Variants in SPECC1L observed in about 807,000 individuals in gnomAD.
SPECC1L encodes cytospin-A.
Under a neutral mutation model 116.8 loss-of-function variants are expected in SPECC1L, and 40 were observed. That is an observed-to-expected ratio of 0.34 (90% CI 0.27 to 0.45). SPECC1L has a LOEUF of 0.45. SPECC1L is among the 20% of genes least tolerant of loss of function. The pLI, the probability that SPECC1L is intolerant of heterozygous loss-of-function variation, is 1.00. For missense variants in SPECC1L, 1,110 were observed against 1,373.6 expected, an observed-to-expected ratio of 0.81 and a Z score of 3.03; for synonymous variants, 504 against 500.6, an observed-to-expected ratio of 1.01 and a Z score of -0.09.
At chr22:24,341,825 C>T (rs1428711262) in intron 10 of SPECC1L, among the ~76,000 whole-genome samples, 1 of 152,234 alleles carries the variant, frequency 6.6e-6, no homozygotes, top group South Asian at 2.1e-4. Context: ...AATCCCAGTT[C>T]CCATGTTGTG....
At chr22:24,363,965 CAG>C (rs902741204) in intron 12 of SPECC1L, among the ~76,000 whole-genome samples, 1 of 151,886 alleles carries the variant, frequency 6.6e-6, no homozygotes, top group Non-Finnish European at 1.5e-5. Flanking sequence ...TTTTAGTAAT[CAG>C]GGGAAAACAA....
chr22:24,306,581 C>T lies in SPECC1L; in HGVS notation c.153+4197C>T, dbSNP rs142914320. Among the ~76,000 whole-genome samples, 1,182 of 152,172 alleles carry T rather than the reference C, an allele frequency of 7.8e-3. 9 individuals are homozygous for T. The highest frequency in any genetic ancestry group is 0.024 in the South Asian group (116 of 4,822). On this transcript the variant is annotated intron_variant, in intron 3 of 16. Transcript: ENST00000314328. ...AATTTTTTTTAGAGACAGGGTCTCA[C>T]TTTTTTACCCTGGCTGGTCTCTAAC... is the stretch of plus-strand genomic sequence containing the variant.
chr22:24,288,389 A>C (rs751780338), intron 2 of SPECC1L, among the ~76,000 whole-genome samples: 4 of 152,030 alleles, frequency 2.6e-5, no homozygotes, highest in African/African-American at 9.7e-5. Flanking sequence ...GGAAGTGCCA[A>C]ATATCCCCTA....
chr22:24,279,722 A>G (rs752178356), intron 2 of SPECC1L, among the ~76,000 whole-genome samples: 27 of 152,246 alleles, frequency 1.8e-4, no homozygotes, highest in Admixed American at 4.6e-4. Flanking sequence ...AGCTGGGATT[A>G]CAGGCATGTG....
At chr22:24,315,476 A>G (rs555759775) in intron 4 of SPECC1L, among the ~76,000 whole-genome samples, 13 of 152,364 alleles carry the variant, frequency 8.5e-5, no homozygotes, top group South Asian at 6.2e-4. Flanking sequence ...TGGTGAGGCA[A>G]GGTCTTTTAC....
At chr22:24,346,893 A>G (rs576985439) in intron 10 of SPECC1L, among the ~76,000 whole-genome samples, 193 bp from the exon 11 acceptor site, 30 of 152,318 alleles carry the variant, frequency 2.0e-4, no homozygotes, top group African/African-American at 7.0e-4. Flanking sequence ...TAATTACCCC[A>G]TAATAAAAAG....
intron 14 of SPECC1L, among the ~76,000 whole-genome samples, chr22:24,386,596 G>GTTATTATTA (rs576690034): frequency 2.0e-5 from 3 of 150,456 alleles, no homozygotes; most frequent in Non-Finnish European, 4.4e-5. Context: ...TATTATTATT[G>GTTATTATTA]TTATTATTAT....
In SPECC1L at chr22:24,322,341, A is replaced by G. The variant is rs2071859382; in HGVS notation, c.1361A>G (p.Asp454Gly). 1.9e-6 allele frequency: 3 copies of G among 1,614,256 alleles called. No homozygotes were observed. The highest frequency in any genetic ancestry group is 1.1e-5 in the South Asian group (1 of 91,088). The part of the protein sequence containing the change: ...ILMESLCQQS[D>G]KLEHFSRQIE... ...ATGGAGTCTTTATGTCAGCAGAGCG[A>G]TAAGTTGGAACACTTTAGTCGACAG... Residue 454 changes from aspartate to glycine, a missense_variant, in exon 5 of 17, where the codon GAT becomes GGT. Physicochemically the swap from Asp to Gly is moderately conservative, Grantham distance 94. Transcript: ENST00000314328.
chr22:24,378,260 C>T (rs773394018), intron 14 of SPECC1L, among the ~76,000 whole-genome samples: 2 of 152,214 alleles, frequency 1.3e-5, no homozygotes, highest in Non-Finnish European at 1.5e-5. Flanking sequence ...TCTGCAGCTT[C>T]GTCACCAATC....
Position 24,302,195 on chromosome 22 carries a change from A to T in SPECC1L, c.-37A>T. On this transcript the variant is annotated splice_region_variant and 5_prime_UTR_variant, in exon 3 of 17. Coordinates refer to ENST00000314328, the MANE Select transcript of SPECC1L (RefSeq NM_015330.6). Reference sequence around the variant, plus strand: ...GTGTAATGCCATTTTTTTCCCACAGATTTGCTTGTAAATGCATCACGAAGA... The same window carrying T: ...GTGTAATGCCATTTTTTTCCCACAGTTTTGCTTGTAAATGCATCACGAAGA... 1 of 1,612,598 alleles carries T rather than the reference A, an allele frequency of 6.2e-7. No homozygotes were observed.
intron 14 of SPECC1L, among the ~76,000 whole-genome samples, chr22:24,376,634 A>G (rs1207672074): frequency 6.6e-6 from 1 of 152,218 alleles, no homozygotes; most frequent in Non-Finnish European, 1.5e-5. Flanking sequence ...ACTTGGATGA[A>G]CTTTGAATAT....
At chr22:24,282,807 G>A (rs757026239) in intron 2 of SPECC1L, among the ~76,000 whole-genome samples, 20 of 148,304 alleles carry the variant, frequency 1.3e-4, no homozygotes, top group Non-Finnish European at 2.4e-4. Flanking sequence ...AGACGGGGTC[G>A]CACCCTGTCA....
chr22:24,385,578 A>T (rs185407171), intron 14 of SPECC1L, among the ~76,000 whole-genome samples: 20 of 152,354 alleles, frequency 1.3e-4, no homozygotes, highest in Non-Finnish European at 2.6e-4. Flanking sequence ...ATTTCTCAGT[A>T]AGAAATATTA....
chr22:24,295,094 A>C (rs995815637), intron 2 of SPECC1L, among the ~76,000 whole-genome samples: 216 of 151,280 alleles, frequency 1.4e-3, no homozygotes, highest in African/African-American at 5.0e-3. Context: ...TGAATGTGTA[A>C]TTAGCTTTGG....
At chr22:24,364,985 C>A (rs1394308153) in intron 12 of SPECC1L, among the ~76,000 whole-genome samples, 1 of 151,994 alleles carries the variant, frequency 6.6e-6, no homozygotes, top group African/African-American at 2.4e-5. Flanking sequence ...TTCAACTATG[C>A]CTTTTCACAG....
At chr22:24,287,927 A>G (rs187653844) in intron 2 of SPECC1L, among the ~76,000 whole-genome samples, 72 of 152,120 alleles carry the variant, frequency 4.7e-4, no homozygotes, top group Admixed American at 9.8e-4. Context: ...GCCAGCTGGA[A>G]ACTACAAAAA....
At chr22:24,324,978 C>T (rs1776823903) in intron 6 of SPECC1L, among the ~76,000 whole-genome samples, 1 of 152,092 alleles carries the variant, frequency 6.6e-6, no homozygotes, top group Non-Finnish European at 1.5e-5. Context: ...TAATGGGGTT[C>T]ATAATCAATA....
intron 10 of SPECC1L, chr22:24,343,603 GGTGC>G (rs752539084): frequency 4.1e-5 from 14 of 337,456 alleles, no homozygotes; most frequent in South Asian, 3.0e-4. Flanking sequence ...TGGGACTACA[GGTGC>G]GTACCATGGT....
intron 4 of SPECC1L, among the ~76,000 whole-genome samples, chr22:24,316,227 GAGA>G (rs2040560467): frequency 1.3e-5 from 2 of 152,146 alleles, no homozygotes; most frequent in East Asian, 1.9e-4. Context: ...CAGTAATCCA[GAGA>G]AGAATTTTTC....
Sources: gnomAD v4.1 joint callset for allele counts (sites outside exome capture counted in the v4.1 genomes callset) on GRCh38, gnomAD v4.1.1 for gene constraint, MANE v1.5 for transcripts, NCBI Gene and HGNC (gene_info 2026-07-23, HGNC 2026-07-21) for gene names.